PSME3IP1: variants seen among roughly 807,000 people sequenced by gnomAD.
PSME3IP1 encodes proteasome activator subunit 3 interacting protein 1.
Under a neutral mutation model 34.1 loss-of-function variants are expected in PSME3IP1, and 13 were observed. That is an observed-to-expected ratio of 0.38 (90% CI 0.25 to 0.61). The LOEUF (loss-of-function observed/expected upper bound fraction) is 0.61, where lower values mean the gene tolerates loss of function less well. Among genes scored for constraint, PSME3IP1 ranks in the 20% least tolerant of loss-of-function variants. The pLI is 0.60. For missense variants in PSME3IP1, 237 were observed against 301.4 expected (o/e 0.79, Z 1.58); for synonymous variants, 93 against 114.3 (o/e 0.81, Z 1.19).
intron 6 of PSME3IP1, among the ~76,000 whole-genome samples, chr16:57,156,896 T>C (rs2070599278): frequency 6.6e-6 from 1 of 152,240 alleles, no homozygotes; most frequent in Non-Finnish European, 1.5e-5. Context: ...CGAACTTAAA[T>C]GATGTTCATA....
At chr16:57,180,214 T>C (rs1202597902) in intron 1 of PSME3IP1, among the ~76,000 whole-genome samples, 1 of 152,226 alleles carries the variant, frequency 6.6e-6, no homozygotes, top group South Asian at 2.1e-4. Flanking sequence ...CAATTTGCAA[T>C]AACCTTTCAG....
Position 57,173,809 on chromosome 16 carries a change from C to G in PSME3IP1, c.46G>C (p.Val16Leu). Residue 16 changes from valine to leucine, a missense_variant, in exon 2 of 7, where the codon GTG (valine) becomes CTG (leucine). By Grantham distance (32) the Val-to-Leu change is conservative (BLOSUM62 1). Coordinates refer to ENST00000309137, the MANE Select transcript of PSME3IP1 (RefSeq NM_024946.4). ...CGTTCATCTAGTTCTGCCTCAGACACAAACCTCTTTTTGATAATAAGGTTA... is the reference window on the plus strand; with the variant it reads ...CGTTCATCTAGTTCTGCCTCAGACAGAAACCTCTTTTTGATAATAAGGTTA... Reference protein sequence around the residue: ...DGNLIIKKRFVSEAELDERRK... With the variant: ...DGNLIIKKRFLSEAELDERRK... The G allele has an allele frequency of 6.2e-7, 1 of 1,614,040 alleles. No individual in the cohort carries two copies. Among genetic ancestry groups the G allele is most frequent in the Non-Finnish European group, 8.5e-7 (1 of 1,179,996 alleles).
In PSME3IP1 at chr16:57,167,145, T is replaced by C. The variant is rs748942436; in HGVS notation, c.430A>G (p.Lys144Glu). ...AGCTTCGCCTGGGAGAACTTGTTCT[T>C]GGTTTCTATAGGCTTCACAGTCAGT... ...KKLTVKPIETKNKFSQAKLLA... is the reference protein window; with the variant it reads ...KKLTVKPIETENKFSQAKLLA... Residue 144 changes from lysine (K) to glutamate (E), a missense_variant, in exon 5 of 7, where the codon AAG (lysine) becomes GAG (glutamate). Transcript: ENST00000309137. 6.2e-6 allele frequency: 10 copies of C among 1,614,212 alleles called. No individual in the cohort carries two copies. Among genetic ancestry groups the C allele is most frequent in the Non-Finnish European group, 7.6e-6 (9 of 1,180,054 alleles).
intron 1 of PSME3IP1, among the ~76,000 whole-genome samples, chr16:57,182,866 C>T (rs931820096): frequency 6.6e-5 from 10 of 152,076 alleles, no homozygotes; most frequent in African/African-American, 2.4e-4. Context: ...GCCGAGATCG[C>T]GCCACTGCAC....
At chr16:57,167,982 T>A (rs1451446326) in intron 4 of PSME3IP1, among the ~76,000 whole-genome samples, 1 of 152,224 alleles carries the variant, frequency 6.6e-6, no homozygotes, top group Non-Finnish European at 1.5e-5. Context: ...CTCTCAACTT[T>A]TTACTCTTTT....
At chr16:57,183,262 T>C (rs1202801590) in intron 1 of PSME3IP1, among the ~76,000 whole-genome samples, 2 of 152,202 alleles carry the variant, frequency 1.3e-5, no homozygotes, top group Non-Finnish European at 2.9e-5. Flanking sequence ...GGATTTTCAT[T>C]TCTTGAAATA....
intron 4 of PSME3IP1, 55 bp downstream of exon 4, chr16:57,172,196 G>C: frequency 1.9e-6 from 3 of 1,596,052 alleles, no homozygotes; most frequent in Non-Finnish European, 1.7e-6. Flanking sequence ...AACATCCATA[G>C]ATGCTGATGA....
At chr16:57,182,431 A>T (rs1187160093) in intron 1 of PSME3IP1, among the ~76,000 whole-genome samples, 4 of 37,156 alleles carry the variant, frequency 1.1e-4, no homozygotes, top group Non-Finnish European at 2.8e-4. Context: ...AGACCAAATT[A>T]AAAACAAAAT....
chr16:57,154,193 G>C lies in PSME3IP1; in HGVS notation c.*97C>G, dbSNP rs1243749815. On this transcript the variant is annotated 3_prime_UTR_variant, in exon 7 of 7. Coordinates refer to ENST00000309137, the MANE Select transcript of PSME3IP1 (RefSeq NM_024946.4). The surrounding 1 kb of genome is among the most constrained non-coding windows in gnomAD (Gnocchi z 4.0). ...ATGTCATGTTGTACACAGGATGCAG[G>C]CAAAGGAGTTTTTTTTTGAGGGACA... The C allele has an allele frequency of 2.0e-6, 2 of 998,708 alleles. No individual in the cohort carries two copies. The highest frequency in any genetic ancestry group is 5.0e-5 in the East Asian group (2 of 40,038). 61.9% of individuals were successfully genotyped at this position (998,708 alleles called of 1,614,324 possible). A position where few individuals can be genotyped will look rare whatever the true frequency, so the allele number is the denominator to read the frequency against.
At chr16:57,176,731 T>C (rs1201666010) in intron 1 of PSME3IP1, among the ~76,000 whole-genome samples, 1 of 152,278 alleles carries the variant, frequency 6.6e-6, no homozygotes, top group East Asian at 1.9e-4. Context: ...TGGAGAAAAA[T>C]AATCATGTCT....
At chr16:57,160,013 T>TA (rs1298938416) in intron 6 of PSME3IP1, among the ~76,000 whole-genome samples, 6 of 151,450 alleles carry the variant, frequency 4.0e-5, no homozygotes, top group Non-Finnish European at 7.4e-5. Context: ...ATCCTATCTC[T>TA]AAAAAAAAAT....
At position 57,180,586 on chromosome 16, in the gene PSME3IP1, C is replaced by T. The variant is rs1245810972; in HGVS notation, c.-16+5235G>A. On this transcript the variant is annotated intron_variant, in intron 1 of 6. Coordinates refer to ENST00000309137, the MANE Select transcript of PSME3IP1 (RefSeq NM_024946.4). The stretch of plus-strand genomic sequence containing the variant: ...CAGCCTGGGCAATAGAGCAAGACTC[C>T]GTCTCAGAAAAAGAAAAAAAAAAAA... 7.4e-5 allele frequency among the ~76,000 whole-genome samples: 11 copies of T among 149,446 alleles called. 1 individual carries two copies. Among genetic ancestry groups the T allele is most frequent in the African/African-American group, 1.7e-4 (7 of 40,582 alleles).
At chr16:57,156,795 C>T (rs543263158) in intron 6 of PSME3IP1, among the ~76,000 whole-genome samples, 9 of 152,168 alleles carry the variant, frequency 5.9e-5, no homozygotes, top group Admixed American at 2.0e-4. Context: ...TTAAACATAA[C>T]GGGATAAACA....
chr16:57,159,611 G>A (rs1002978799), intron 6 of PSME3IP1, among the ~76,000 whole-genome samples: 4 of 152,124 alleles, frequency 2.6e-5, no homozygotes, highest in Non-Finnish European at 5.9e-5. Flanking sequence ...TTCAGGGAGC[G>A]TTCTTCTTGT....
chr16:57,185,912 A>T lies in PSME3IP1; in HGVS notation c.-107T>A, dbSNP rs1251188881. 1 of 985,324 alleles carries T rather than the reference A, an allele frequency of 1.0e-6. No homozygotes were observed. 61.0% of individuals were successfully genotyped at this position (985,324 alleles called of 1,614,324 possible). A position where few individuals can be genotyped will look rare whatever the true frequency, so the allele number is the denominator to read the frequency against. ...GCCGCTCGCTCTTAAAAAAGAAAAAAAAATGAAAGGAAGAAAGAAAGAAAC... is the reference window on the plus strand; with the variant it reads ...GCCGCTCGCTCTTAAAAAAGAAAAATAAATGAAAGGAAGAAAGAAAGAAAC... On this transcript the variant is annotated 5_prime_UTR_variant, in exon 1 of 7. Coordinates refer to ENST00000309137, the MANE Select transcript of PSME3IP1 (RefSeq NM_024946.4).
chr16:57,176,722 G>T (rs1279245029), intron 1 of PSME3IP1, among the ~76,000 whole-genome samples: 2 of 152,016 alleles, frequency 1.3e-5, no homozygotes, highest in Non-Finnish European at 2.9e-5. Flanking sequence ...TTTATAAGAT[G>T]GAGAAAAATA....
At position 57,173,620 on chromosome 16, in the gene PSME3IP1, C is replaced by G. The variant is rs552473495; in HGVS notation, c.127+108G>C. The G allele has an allele frequency of 1.9e-4, 259 of 1,362,940 alleles. 1 individual carries two copies. The African/African-American group carries it at 3.5e-3, about 18-fold the overall frequency. The allele number at this position is 1,362,940 out of a possible 1,614,324, so 84.4% of individuals were successfully genotyped here. A position where few individuals can be genotyped will look rare whatever the true frequency, so the allele number is the denominator to read the frequency against. ...CTCCAGCCTGGGCAACAGAGTGAGA[C>G]TCCGTCTCAAAAAAATAAATAAATA... On this transcript the variant is annotated intron_variant, in intron 2 of 6. Transcript: ENST00000309137.
At chr16:57,172,696 A>G in intron 3 of PSME3IP1, 80 bp downstream of exon 3, 1 of 1,074,586 alleles carries the variant, frequency 9.3e-7, no homozygotes, top group Non-Finnish European at 1.4e-6. Flanking sequence ...ACGGCTAGTT[A>G]GGAAAAGTGC....
At chr16:57,156,001 CAAAG>C (rs1314560766) in intron 6 of PSME3IP1, among the ~76,000 whole-genome samples, 4 of 151,646 alleles carry the variant, frequency 2.6e-5, no homozygotes, top group African/African-American at 4.8e-5. Flanking sequence ...ACAAACAAAA[CAAAG>C]AAAGAAAGAA....
Sources: gnomAD v4.1 joint callset for allele counts (sites outside exome capture counted in the v4.1 genomes callset) on GRCh38, gnomAD v4.1.1 for gene constraint, Gnocchi (gnomAD v3.1) non-coding constraint, MANE v1.5 for transcripts, NCBI Gene and HGNC (gene_info 2026-07-23, HGNC 2026-07-21) for gene names.